Variants in PSMA1 observed in about 807,000 individuals in gnomAD.
The protein encoded by PSMA1 is proteasome subunit alpha type-1.
A neutral mutation model predicts 38.4 loss-of-function variants in PSMA1; 3 were observed. The observed-to-expected ratio is 0.08, with a 90% CI of 0.04 to 0.20. The LOEUF (loss-of-function observed/expected upper bound fraction) is 0.20. Ranked by LOEUF, PSMA1 falls within the 10% of genes least tolerant of loss-of-function variation. The pLI, the probability that PSMA1 is intolerant of heterozygous loss-of-function variation, is 1.00. For synonymous variants in PSMA1, 101 were observed against 107.1 expected (o/e 0.94, Z 0.35); for missense variants, 227 against 325.3 (o/e 0.70, Z 2.32).
chr11:14,634,202 T>C (rs1489916323), intron 1 of PSMA1, among the ~76,000 whole-genome samples: 1 of 152,228 alleles, frequency 6.6e-6, no homozygotes, highest in African/African-American at 2.4e-5. Context: ...CCCCCCGGTC[T>C]GTGGAAAATT....
chr11:14,577,618 T>C (rs948564088), intron 2 of PSMA1, among the ~76,000 whole-genome samples: 2 of 152,168 alleles, frequency 1.3e-5, no homozygotes, highest in African/African-American at 2.4e-5. Context: ...GCCTAAGTGC[T>C]CTTCACAAGT....
chr11:14,528,079 G>T (rs1039281376), intron 2 of PSMA1, among the ~76,000 whole-genome samples: 3 of 150,876 alleles, frequency 2.0e-5, no homozygotes, highest in Admixed American at 6.6e-5. Flanking sequence ...CTCCAAAATC[G>T]CTGAGGCCTC....
In PSMA1 at chr11:14,592,337, G is replaced by A. The variant is rs530237373; in HGVS notation, c.21+18629C>T. ...CGCTGGGGTCAGCCTCATCGACCCC[G>A]TCTCAACTCTGACACAGTCTCTCTC... On this transcript the variant is annotated intron_variant, in intron 2 of 10. Transcript: ENST00000418988. Among the ~76,000 whole-genome samples, 6 of 148,366 alleles carry A rather than the reference G, an allele frequency of 4.0e-5. No homozygotes were observed. The South Asian group carries it at 6.5e-4, about 16-fold the overall frequency.
intron 2 of PSMA1, among the ~76,000 whole-genome samples, chr11:14,540,644 C>G (rs2134164204): frequency 6.6e-6 from 1 of 152,182 alleles, no homozygotes; most frequent in South Asian, 2.1e-4. Flanking sequence ...AAAAAAGGAA[C>G]ATGTGGAGTT....
chr11:14,526,379 GC>G (rs1851585503), intron 2 of PSMA1, among the ~76,000 whole-genome samples: 2 of 152,136 alleles, frequency 1.3e-5, no homozygotes. Context: ...GCAGGGCTGT[GC>G]AGTCAGAATT....
At chr11:14,573,801 C>T (rs896918410) in intron 2 of PSMA1, among the ~76,000 whole-genome samples, 1 of 152,194 alleles carries the variant, frequency 6.6e-6, no homozygotes, top group Non-Finnish European at 1.5e-5. Flanking sequence ...AGCTGATAAG[C>T]AACTTCAGCA....
chr11:14,615,107 T>A (rs1852756240), intron 1 of PSMA1, among the ~76,000 whole-genome samples: 1 of 152,382 alleles, frequency 6.6e-6, no homozygotes, highest in Non-Finnish European at 1.5e-5. Context: ...CTTTTGTATA[T>A]CTATGAGATA....
chr11:14,584,507 G>GTTTTTTTTTTTTTTTTTT (rs58620375), intron 2 of PSMA1, among the ~76,000 whole-genome samples: 4 of 124,796 alleles, frequency 3.2e-5, no homozygotes, highest in Non-Finnish European at 3.3e-5. Context: ...TTTGTTTTTT[G>GTTTTTTTTTTTTTTTTTT]TTTTTTTTTT....
intron 1 of PSMA1, among the ~76,000 whole-genome samples, chr11:14,617,697 ATG>A (rs71913143): frequency 2.9e-3 from 392 of 133,806 alleles, no homozygotes; most frequent in African/African-American, 9.6e-3. Flanking sequence ...ATATATATAT[ATG>A]TGTGTGTGTG....
rs118165284 is a variant in PSMA1 at position 14,634,881 on chromosome 11, A to T, written c.-166+8574T>A. Among the ~76,000 whole-genome samples the T allele has an allele frequency of 1.1e-3, 171 of 152,348 alleles. No homozygotes were observed. The East Asian group carries it at 0.031, about 27-fold the overall frequency. ...GCACTGTGTACCTCTGGAAGAGTAA[A>T]GAGCTTGAGAGTGAGATTGATGAAG... On this transcript the variant is annotated intron_variant, in intron 1 of 10. Coordinates refer to the PSMA1 transcript ENST00000418988.
chr11:14,619,438 CAAAA>C (rs557216383), intron 1 of PSMA1, among the ~76,000 whole-genome samples: 3 of 145,446 alleles, frequency 2.1e-5, no homozygotes, highest in African/African-American at 5.1e-5. Context: ...GATCCTGTCT[CAAAA>C]AAAAAATCTG....
At chr11:14,519,348 T>G in intron 1 of PSMA1, 5 of 424,308 alleles carry the variant, frequency 1.2e-5, no homozygotes, top group South Asian at 7.3e-5. Context: ...CTATTTTTGC[T>G]TATGCTGCTC....
intron 1 of PSMA1, chr11:14,611,253 C>A: frequency 2.2e-6 from 1 of 446,712 alleles, no homozygotes; most frequent in Non-Finnish European, 4.0e-6. Context: ...TTCTCCTCTC[C>A]TGGGGGTAAG....
At chr11:14,545,053 G>A (rs1003524833) in intron 2 of PSMA1, among the ~76,000 whole-genome samples, 3 of 152,170 alleles carry the variant, frequency 2.0e-5, no homozygotes, top group African/African-American at 7.2e-5. Context: ...AACAGCTAAT[G>A]GGTTTCTTTC....
At chr11:14,509,367 G>T (rs1312751794) in intron 8 of PSMA1, among the ~76,000 whole-genome samples, 1 of 152,004 alleles carries the variant, frequency 6.6e-6, no homozygotes, top group East Asian at 1.9e-4. Context: ...ATCCAAAATT[G>T]AACCACTACT....
At chr11:14,540,505 G>A (rs1209825121) in intron 2 of PSMA1, among the ~76,000 whole-genome samples, 1 of 152,180 alleles carries the variant, frequency 6.6e-6, no homozygotes, top group Non-Finnish European at 1.5e-5. Flanking sequence ...GGAGGTAAAT[G>A]TCTGTTTTTC....
chr11:14,640,057 G>A (rs570866845), intron 1 of PSMA1, among the ~76,000 whole-genome samples: 4 of 152,218 alleles, frequency 2.6e-5, no homozygotes, highest in South Asian at 4.2e-4. Flanking sequence ...AGCACACCGG[G>A]CACATAATAA....
At chr11:14,551,607 A>C (rs1264502609) in intron 2 of PSMA1, among the ~76,000 whole-genome samples, 1 of 152,248 alleles carries the variant, frequency 6.6e-6, no homozygotes, top group African/African-American at 2.4e-5. Flanking sequence ...TTGGGAGATC[A>C]TAGCCAATGA....
chr11:14,637,930 CAG>C (rs1385032225), intron 1 of PSMA1, among the ~76,000 whole-genome samples: 1 of 152,146 alleles, frequency 6.6e-6, no homozygotes, highest in Non-Finnish European at 1.5e-5. Context: ...TCAGAATTAA[CAG>C]AGTCCTGTGA....
Sources: gnomAD v4.1 joint callset for allele counts (sites outside exome capture counted in the v4.1 genomes callset) on GRCh38, gnomAD v4.1.1 for gene constraint, MANE v1.5 for transcripts, NCBI Gene and HGNC (gene_info 2026-07-23, HGNC 2026-07-21) for gene names.